CSMD1: variants seen among roughly 807,000 people sequenced by gnomAD.
The protein encoded by CSMD1 is CUB and Sushi multiple domains 1.
In CSMD1, 213 loss-of-function variants were observed where a neutral mutation model predicts 417.5. The ratio of observed to expected loss-of-function variants is 0.51; its 90% CI spans 0.46 to 0.57. The LOEUF (loss-of-function observed/expected upper bound fraction) is 0.57. Among genes scored for constraint, CSMD1 ranks in the 20% least tolerant of loss-of-function variants. The pLI is 0.00. For missense variants in CSMD1, 6,923 were observed against 4,529.7 expected, an observed-to-expected ratio of 1.53 and a Z score of -15.17; for synonymous variants, 2,862 against 1,736.8, an observed-to-expected ratio of 1.65 and a Z score of -16.11.
At chr8:3,017,008 T>C (rs1051099131) in intron 52 of CSMD1, among the ~76,000 whole-genome samples, 2 of 152,258 alleles carry the variant, frequency 1.3e-5, no homozygotes, top group Non-Finnish European at 2.9e-5. Flanking sequence ...GTAAACTGAA[T>C]GTATCACTTA....
At chr8:3,871,939 A>G (rs1805508680) in intron 5 of CSMD1, among the ~76,000 whole-genome samples, 1 of 152,222 alleles carries the variant, frequency 6.6e-6, no homozygotes, top group Non-Finnish European at 1.5e-5. Context: ...TCTGAAAAAC[A>G]CAGCCTAAGT....
chr8:4,323,209 C>G (rs1231914829), intron 3 of CSMD1, among the ~76,000 whole-genome samples: 1 of 152,014 alleles, frequency 6.6e-6, no homozygotes, highest in African/African-American at 2.4e-5. Context: ...CTATGCAGAC[C>G]CATGTGATTG....
chr8:4,968,968 C>G (rs943138932), intron 1 of CSMD1, among the ~76,000 whole-genome samples: 2 of 152,102 alleles, frequency 1.3e-5, no homozygotes, highest in Admixed American at 1.3e-4. Context: ...TGTTCAAGCC[C>G]CTGTGCTTTT....
At chr8:4,080,716 C>G (rs1800085097) in intron 3 of CSMD1, among the ~76,000 whole-genome samples, 1 of 152,168 alleles carries the variant, frequency 6.6e-6, no homozygotes, top group Admixed American at 6.5e-5. Flanking sequence ...TCTTTCATTT[C>G]TGCCATAGGA....
intron 40 of CSMD1, among the ~76,000 whole-genome samples, chr8:3,145,365 C>G (rs1358673245): frequency 6.6e-6 from 1 of 152,086 alleles, no homozygotes; most frequent in Non-Finnish European, 1.5e-5. Flanking sequence ...ATATATTTAT[C>G]CAGAAACACA....
At chr8:3,686,980 A>G (rs1368219636) in intron 7 of CSMD1, among the ~76,000 whole-genome samples, 2 of 152,232 alleles carry the variant, frequency 1.3e-5, no homozygotes, top group South Asian at 4.1e-4. Context: ...AAGCTTGTTC[A>G]AACGTATCAG....
intron 1 of CSMD1, among the ~76,000 whole-genome samples, chr8:4,841,499 T>C (rs1014473029): frequency 2.6e-5 from 4 of 152,174 alleles, no homozygotes; most frequent in Non-Finnish European, 4.4e-5. Context: ...GACAAGTCAC[T>C]AAGTTTTCTT....
intron 5 of CSMD1, among the ~76,000 whole-genome samples, chr8:3,868,610 G>A (rs761605723): frequency 6.6e-6 from 1 of 152,240 alleles, no homozygotes; most frequent in Middle Eastern, 3.4e-3. Flanking sequence ...AATAGGACCC[G>A]AACCTCACAT....
chr8:3,466,728 C>T (rs566751341), intron 12 of CSMD1, among the ~76,000 whole-genome samples: 2 of 152,072 alleles, frequency 1.3e-5, no homozygotes, highest in Admixed American at 6.6e-5. Context: ...CCTGCCCGGG[C>T]TGTTTTCTGA....
intron 3 of CSMD1, among the ~76,000 whole-genome samples, chr8:4,406,870 G>T (rs150283721): frequency 1.3e-5 from 2 of 152,178 alleles, no homozygotes; most frequent in African/African-American, 2.4e-5. Flanking sequence ...AATACAGCTC[G>T]TATTGAGGGC....
At chr8:3,718,740 G>T (rs1801978487) in intron 6 of CSMD1, among the ~76,000 whole-genome samples, 1 of 152,112 alleles carries the variant, frequency 6.6e-6, no homozygotes, top group African/African-American at 2.4e-5. Flanking sequence ...TGGAAGAAAG[G>T]CAATTAACTA....
chr8:3,992,408 C>T (rs917738398), intron 5 of CSMD1, among the ~76,000 whole-genome samples: 1 of 152,030 alleles, frequency 6.6e-6, no homozygotes. Context: ...CAGTGATTGG[C>T]TGAAGTTAAA....
At position 2,978,808 on chromosome 8, in the gene CSMD1, A is replaced by G. The variant is rs752477803; in HGVS notation, c.8378-8T>C. Reference sequence around the variant, plus strand: ...GATCAGAACAGTTCACCACTAGAAAATAAAACATTTCACACACCATTTAGA... The same window carrying G: ...GATCAGAACAGTTCACCACTAGAAAGTAAAACATTTCACACACCATTTAGA... On this transcript the variant is annotated splice_polypyrimidine_tract_variant and splice_region_variant and intron_variant, in intron 54 of 69. Coordinates refer to ENST00000635120, the MANE Select transcript of CSMD1 (RefSeq NM_033225.6). The G allele has an allele frequency of 1.9e-6, 3 of 1,588,916 alleles. No homozygotes were observed. The South Asian group carries it at 3.5e-5, about 18-fold the overall frequency.
At chr8:4,198,252 C>G (rs540361009) in intron 3 of CSMD1, among the ~76,000 whole-genome samples, 1 of 152,332 alleles carries the variant, frequency 6.6e-6, no homozygotes, top group South Asian at 2.1e-4. Context: ...AAGTTATCCT[C>G]AACTCATTAT....
At chr8:3,962,232 C>G (rs978586310) in intron 5 of CSMD1, among the ~76,000 whole-genome samples, 1 of 152,180 alleles carries the variant, frequency 6.6e-6, no homozygotes, top group Non-Finnish European at 1.5e-5. Context: ...TCAAGATTTT[C>G]TTCTGTTCAC....
chr8:3,917,614 A>C (rs13249766), intron 5 of CSMD1, among the ~76,000 whole-genome samples: 2 of 79,518 alleles, frequency 2.5e-5, no homozygotes, highest in Non-Finnish European at 5.5e-5. Flanking sequence ...TCATATTTAT[A>C]TTTTACCTTT....
intron 1 of CSMD1, among the ~76,000 whole-genome samples, chr8:4,796,245 C>A (rs935876735): frequency 6.6e-6 from 1 of 151,892 alleles, no homozygotes; most frequent in Non-Finnish European, 1.5e-5. Context: ...AAAATGCCTC[C>A]TTTGCTGTGA....
chr8:4,252,145 CT>C, intron 3 of CSMD1, among the ~76,000 whole-genome samples: 1 of 152,182 alleles, frequency 6.6e-6, no homozygotes, highest in East Asian at 1.9e-4. Flanking sequence ...CAGTTTTGTT[CT>C]GTTCTTTCAG....
At chr8:3,222,321 A>AT (rs113195688) in intron 28 of CSMD1, among the ~76,000 whole-genome samples, 26,631 of 148,886 alleles carry the variant, frequency 0.18, 2,595 homozygotes, top group Admixed American at 0.23. Flanking sequence ...GTTCAATTTC[A>AT]TTTTTTTTTT....
Sources: gnomAD v4.1 joint callset for allele counts (sites outside exome capture counted in the v4.1 genomes callset) on GRCh38, gnomAD v4.1.1 for gene constraint, MANE v1.5 for transcripts, NCBI Gene and HGNC (gene_info 2026-07-23, HGNC 2026-07-21) for gene names.